Variants in SPTLC3 observed in about 807,000 individuals in gnomAD.
SPTLC3 encodes the protein serine palmitoyltransferase 3.
A neutral mutation model predicts 59.3 loss-of-function variants in SPTLC3; 36 were observed. The ratio of observed to expected loss-of-function variants is 0.61; its 90% CI spans 0.47 to 0.80. The LOEUF is 0.80. SPTLC3 is among the 30% of genes least tolerant of loss of function. The pLI, the probability that SPTLC3 is intolerant of heterozygous loss-of-function variation, is 0.00. For synonymous variants in SPTLC3, 257 were observed against 240.8 expected (o/e 1.07, Z -0.62); for missense variants, 625 against 685.1 (o/e 0.91, Z 0.98).
At chr20:13,089,262 T>G (rs756465907) in intron 4 of SPTLC3, among the ~76,000 whole-genome samples, 5 of 152,222 alleles carry the variant, frequency 3.3e-5, no homozygotes, top group Admixed American at 6.5e-5. Flanking sequence ...CAACAGCTCC[T>G]ACGTTCTGTG....
At chr20:13,122,176 A>T (rs1389111644) in intron 8 of SPTLC3, among the ~76,000 whole-genome samples, 1 of 152,198 alleles carries the variant, frequency 6.6e-6, no homozygotes, top group Admixed American at 6.5e-5. Context: ...GCAGGCCACC[A>T]CTAGGTATCC....
chr20:13,092,220 T>C (rs1989248212), intron 5 of SPTLC3, among the ~76,000 whole-genome samples: 2 of 152,184 alleles, frequency 1.3e-5, no homozygotes, highest in South Asian at 4.1e-4. Flanking sequence ...GAATATGGAA[T>C]GGTGGTCAAA....
chr20:13,084,312 T>C (rs2122604768), intron 4 of SPTLC3, among the ~76,000 whole-genome samples: 1 of 152,326 alleles, frequency 6.6e-6, no homozygotes, highest in East Asian at 1.9e-4. Flanking sequence ...TCCTATGATG[T>C]TTATAACAAC....
chr20:13,022,862 C>A (rs1222444481), intron 1 of SPTLC3, among the ~76,000 whole-genome samples: 1 of 152,174 alleles, frequency 6.6e-6, no homozygotes, highest in African/African-American at 2.4e-5. Flanking sequence ...AAATCCTTCC[C>A]ATGGCTCCCA....
At chr20:13,035,528 T>C (rs141298053) in intron 1 of SPTLC3, among the ~76,000 whole-genome samples, 1 of 152,222 alleles carries the variant, frequency 6.6e-6, no homozygotes, top group Non-Finnish European at 1.5e-5. Context: ...CCAGGTGCCT[T>C]CCGAAACAAA....
intron 4 of SPTLC3, among the ~76,000 whole-genome samples, chr20:13,075,907 G>T (rs954224143): frequency 6.6e-6 from 1 of 152,176 alleles, no homozygotes. Context: ...TACAGGCAGT[G>T]GTTCACTTAC....
chr20:13,016,794 G>A (rs1284926362), intron 1 of SPTLC3, among the ~76,000 whole-genome samples: 3 of 152,092 alleles, frequency 2.0e-5, no homozygotes, highest in African/African-American at 7.2e-5. Context: ...ATCTTTGGGA[G>A]GTAATCAAGA....
intron 1 of SPTLC3, among the ~76,000 whole-genome samples, chr20:13,042,423 T>C (rs1333772733): frequency 6.6e-6 from 1 of 152,212 alleles, no homozygotes; most frequent in Non-Finnish European, 1.5e-5. Flanking sequence ...TTGGCTTTCC[T>C]CTTCCACCAT....
chr20:13,127,560 T>C (rs935899789), intron 9 of SPTLC3, among the ~76,000 whole-genome samples: 1 of 152,216 alleles, frequency 6.6e-6, no homozygotes, highest in Non-Finnish European at 1.5e-5. Context: ...GTTTTCAATA[T>C]TATTAAAGCA....
chr20:13,092,602 T>C (rs995354241), intron 5 of SPTLC3, among the ~76,000 whole-genome samples: 1 of 152,202 alleles, frequency 6.6e-6, no homozygotes, highest in Non-Finnish European at 1.5e-5. Flanking sequence ...GAATGTCCTG[T>C]TCTTAGGGAA....
intron 4 of SPTLC3, among the ~76,000 whole-genome samples, chr20:13,083,614 G>T (rs1988913378): frequency 6.6e-6 from 1 of 152,116 alleles, no homozygotes; most frequent in African/African-American, 2.4e-5. Context: ...CTTTCCCAAG[G>T]TCACATAGTT....
chr20:13,026,763 G>A (rs1389542065), intron 1 of SPTLC3, among the ~76,000 whole-genome samples: 1 of 152,164 alleles, frequency 6.6e-6, no homozygotes, highest in Non-Finnish European at 1.5e-5. Context: ...CCATTTCCAT[G>A]TGCACAGCCT....
chr20:13,158,766 C>T (rs1308972420), intron 10 of SPTLC3, among the ~76,000 whole-genome samples: 1 of 152,178 alleles, frequency 6.6e-6, no homozygotes, highest in Non-Finnish European at 1.5e-5. Context: ...GTCCTGCAGT[C>T]TCCATTGCTT....
In SPTLC3 at chr20:13,134,099, T is replaced by C. The variant is rs547109758; in HGVS notation, c.1279+7382T>C. Among the ~76,000 whole-genome samples the C allele has an allele frequency of 5.3e-5, 8 of 152,302 alleles. No homozygotes were observed. In the East Asian group the frequency reaches 1.4e-3, roughly 26 times the overall value. On this transcript the variant is annotated intron_variant, in intron 9 of 11. Transcript: ENST00000399002. ...AAATGCTTAAACTGTCACGGTCAGG[T>C]GTACGTACCATGCACAGGTGCAGCT...
chr20:13,083,676 C>A lies in SPTLC3; in HGVS notation c.608-7407C>A, dbSNP rs1362847370. ...CAAACTCGAGAGTGCAAGAATTATT[C>A]AAGTTCCTTTTTTTTATTACCAAGT... On this transcript the variant is annotated intron_variant, in intron 4 of 11. Transcript: ENST00000399002. 2.6e-5 allele frequency among the ~76,000 whole-genome samples: 4 copies of A among 152,292 alleles called. No homozygotes were observed. In the South Asian group the frequency reaches 8.3e-4, roughly 32 times the overall value.
intron 9 of SPTLC3, among the ~76,000 whole-genome samples, chr20:13,130,003 T>G (rs1409858478): frequency 6.6e-6 from 1 of 150,928 alleles, no homozygotes; most frequent in African/African-American, 2.4e-5. Flanking sequence ...AATAGGAGAA[T>G]GAGGGAGAAA....
chr20:13,040,891 G>A (rs1481927256), intron 1 of SPTLC3, among the ~76,000 whole-genome samples: 1 of 151,696 alleles, frequency 6.6e-6, no homozygotes, highest in African/African-American at 2.4e-5. Context: ...AAATATTTGT[G>A]CATTTTGAAT....
At chr20:13,137,471 TTATAA>T (rs1033192424) in intron 9 of SPTLC3, among the ~76,000 whole-genome samples, 6 of 152,090 alleles carry the variant, frequency 3.9e-5, no homozygotes, top group South Asian at 2.1e-4. Flanking sequence ...AATTATGGTG[TTATAA>T]TATATATATT....
intron 11 of SPTLC3, 144 bp downstream of exon 11, chr20:13,160,276 C>A: frequency 1.0e-6 from 1 of 982,528 alleles, no homozygotes; most frequent in Non-Finnish European, 1.4e-6. Context: ...TGCCAAAAAA[C>A]AAGAGCTCGT....
Sources: allele counts gnomAD v4.1 joint callset (sites outside exome capture counted in the v4.1 genomes callset), GRCh38; gene constraint gnomAD v4.1.1; transcripts MANE v1.5; gene names NCBI Gene and HGNC (gene_info 2026-07-23, HGNC 2026-07-21).